The following MAST4 variants were observed in gnomAD, a reference collection of about 807,000 sequenced individuals.
MAST4 encodes microtubule-associated serine/threonine-protein kinase 4.
A neutral mutation model predicts 162.7 loss-of-function variants in MAST4; 89 were observed. That is an observed-to-expected ratio of 0.55 (90% confidence interval 0.46 to 0.65). The LOEUF (loss-of-function observed/expected upper bound fraction) is 0.65. MAST4 is among the 30% of genes least tolerant of loss of function. MAST4 has a pLI of 0.00. For synonymous variants in MAST4, 1,479 were observed against 1,361.1 expected, an observed-to-expected ratio of 1.09 and a Z score of -1.91; for missense variants, 3,153 against 3,374.0, an observed-to-expected ratio of 0.93 and a Z score of 1.62.
intron 1 of MAST4, among the ~76,000 whole-genome samples, chr5:66,739,459 T>C (rs1295757145): frequency 6.6e-6 from 1 of 152,180 alleles, no homozygotes; most frequent in East Asian, 1.9e-4. Context: ...GGGGCCCTTC[T>C]TGACCTTGCT....
intron 3 of MAST4, among the ~76,000 whole-genome samples, chr5:66,879,344 A>ATG (rs1761530534): frequency 5.5e-5 from 2 of 36,382 alleles, no homozygotes; most frequent in Non-Finnish European, 1.8e-4. Flanking sequence ...TTTAAAATAT[A>ATG]TACACACACA....
chr5:66,963,714 C>G (rs1259179711), intron 4 of MAST4: 2 of 779,676 alleles, frequency 2.6e-6, no homozygotes, highest in African/African-American at 3.4e-5. Flanking sequence ...CAGTCTCACT[C>G]CCAGGAGCCT....
chr5:67,089,691 C>T (rs564194107), intron 5 of MAST4, among the ~76,000 whole-genome samples: 1 of 152,310 alleles, frequency 6.6e-6, no homozygotes, highest in East Asian at 1.9e-4. Context: ...GAGGATTTAT[C>T]TTCAGGAACT....
chr5:67,078,907 T>TATTTTTATATAA (rs1561621828), intron 5 of MAST4, among the ~76,000 whole-genome samples: 6 of 21,516 alleles, frequency 2.8e-4, no homozygotes, highest in African/African-American at 4.2e-4. Context: ...TATATTTTTA[T>TATTTTTATATAA]ATAAATATAT....
chr5:66,877,646 G>A (rs549738367), intron 3 of MAST4, among the ~76,000 whole-genome samples: 127 of 152,272 alleles, frequency 8.3e-4, no homozygotes, highest in African/African-American at 2.9e-3. Flanking sequence ...CTTTGTGGAG[G>A]CTGACCATTT....
At chr5:66,766,216 G>T (rs1422349209) in intron 2 of MAST4, among the ~76,000 whole-genome samples, 1 of 152,124 alleles carries the variant, frequency 6.6e-6, no homozygotes, top group Non-Finnish European at 1.5e-5. Flanking sequence ...TGTGATGTAT[G>T]TTACAGCCGT....
At chr5:66,917,019 G>C (rs960310978) in intron 4 of MAST4, 1 of 717,962 alleles carries the variant, frequency 1.4e-6, no homozygotes, top group South Asian at 1.5e-5. Context: ...TGGTCAAACG[G>C]TATGTGTATT....
chr5:66,773,610 G>T (rs1315055564), intron 2 of MAST4, among the ~76,000 whole-genome samples: 1 of 152,178 alleles, frequency 6.6e-6, no homozygotes, highest in Non-Finnish European at 1.5e-5. Context: ...TTTAAGAGAT[G>T]ATTAGGCTAT....
At chr5:67,067,473 G>A (rs978305742) in intron 5 of MAST4, among the ~76,000 whole-genome samples, 1 of 152,184 alleles carries the variant, frequency 6.6e-6, no homozygotes, top group Non-Finnish European at 1.5e-5. Flanking sequence ...CAACCAATCT[G>A]AATTTATAGC....
intron 4 of MAST4, 81 bp from the exon 5 acceptor site, chr5:67,054,323 G>C (rs754550163): frequency 4.3e-6 from 5 of 1,171,366 alleles, no homozygotes; most frequent in Non-Finnish European, 6.0e-6. Flanking sequence ...GCTCAACCTG[G>C]TCCATGTCTA....
chr5:67,077,524 CCT>C (rs2150705679), intron 5 of MAST4, among the ~76,000 whole-genome samples: 1 of 152,258 alleles, frequency 6.6e-6, no homozygotes, highest in Non-Finnish European at 1.5e-5. Flanking sequence ...CCAGCTGGCC[CCT>C]GACTGTTGTA....
intron 1 of MAST4, among the ~76,000 whole-genome samples, chr5:66,750,567 C>A (rs71632589): frequency 2.0e-5 from 3 of 152,118 alleles, no homozygotes; most frequent in African/African-American, 7.2e-5. Flanking sequence ...CACTCCCACC[C>A]GAATACTGCG....
chr5:67,066,491 A>C (rs531771851), intron 5 of MAST4, among the ~76,000 whole-genome samples: 1 of 151,738 alleles, frequency 6.6e-6, no homozygotes, highest in Admixed American at 6.6e-5. Flanking sequence ...TTTTATGTCT[A>C]TATCATTTTC....
At chr5:66,998,539 G>GA (rs1750923141) in intron 4 of MAST4, among the ~76,000 whole-genome samples, 1 of 152,174 alleles carries the variant, frequency 6.6e-6, no homozygotes, top group South Asian at 2.1e-4. Flanking sequence ...AAATAGACAG[G>GA]AAAAGGTTTT....
At chr5:67,028,172 A>G (rs1378556276) in intron 4 of MAST4, among the ~76,000 whole-genome samples, 1 of 105,432 alleles carries the variant, frequency 9.5e-6, no homozygotes, top group Non-Finnish European at 2.3e-5. Flanking sequence ...CAGGAGACAC[A>G]CAACAAAAAA....
Position 67,019,032 on chromosome 5 carries a change from A to G in MAST4, c.675-35372A>G, listed in dbSNP as rs541952178. ...CATGTGTGCACACATGTGTGCATGC[A>G]TACCACAAAGTAGATGTTTTACTAT... On this transcript the variant is annotated intron_variant, in intron 4 of 28. Coordinates refer to ENST00000403625, the MANE Select transcript of MAST4 (RefSeq NM_001164664.2). Among the ~76,000 whole-genome samples the G allele has an allele frequency of 1.3e-4, 20 of 152,288 alleles. 1 individual carries two copies. In the South Asian group the frequency reaches 4.2e-3, roughly 32 times the overall value.
intron 1 of MAST4, among the ~76,000 whole-genome samples, chr5:66,670,558 A>G (rs1747541307): frequency 6.6e-6 from 1 of 152,146 alleles, no homozygotes; most frequent in African/African-American, 2.4e-5. Flanking sequence ...TGGCTGGGGA[A>G]TTTCTCAGAA....
chr5:66,605,506 A>G lies in MAST4; in HGVS notation c.363+8488A>G, dbSNP rs570926476. 5.3e-5 allele frequency among the ~76,000 whole-genome samples: 8 copies of G among 152,324 alleles called. No homozygotes were observed. The East Asian group carries it at 1.5e-3, about 29-fold the overall frequency. ...TGAGAGGAAAATTACTTGTCAAGTA[A>G]GACTGTCCCTTTGCCTTATATTTTG... On this transcript the variant is annotated intron_variant, in intron 1 of 28. Transcript: ENST00000403625.
At chr5:67,147,161 T>TTCTC (rs768604496) in intron 23 of MAST4, among the ~76,000 whole-genome samples, 1 of 150,222 alleles carries the variant, frequency 6.7e-6, no homozygotes, top group Non-Finnish European at 1.5e-5. Flanking sequence ...CACACCATCT[T>TTCTC]TCTCTCTCTC....
Sources: allele counts gnomAD v4.1 joint callset (sites outside exome capture counted in the v4.1 genomes callset), GRCh38; gene constraint gnomAD v4.1.1; transcripts MANE v1.5; gene names NCBI Gene and HGNC (gene_info 2026-07-23, HGNC 2026-07-21).